The following RARB variants were observed in gnomAD, a reference collection of about 807,000 sequenced individuals.
RARB encodes the protein retinoic acid receptor beta, also known as HBV-activated protein.
Under a neutral mutation model 51.9 loss-of-function variants are expected in RARB, and 17 were observed. The ratio of observed to expected loss-of-function variants is 0.33; its 90% CI spans 0.22 to 0.49. The LOEUF is 0.49. Among genes scored for constraint, RARB ranks in the 20% least tolerant of loss-of-function variants. The probability of loss-of-function intolerance (pLI) is 0.99; values close to 1 mark genes in which losing one functional copy is unlikely to be tolerated. For synonymous variants in RARB, 215 were observed against 195.4 expected, an observed-to-expected ratio of 1.10 and a Z score of -0.84; for missense variants, 369 against 550.8, an observed-to-expected ratio of 0.67 and a Z score of 3.30.
At chr3:24,945,437 T>G (rs1166807355) in intron 2 of RARB, among the ~76,000 whole-genome samples, 3 of 152,192 alleles carry the variant, frequency 2.0e-5, no homozygotes, top group Non-Finnish European at 4.4e-5. Context: ...GAGACATAAG[T>G]GATAGCAGTG....
chr3:25,190,287 C>G (rs918995879), intron 5 of RARB, among the ~76,000 whole-genome samples: 1 of 151,978 alleles, frequency 6.6e-6, no homozygotes, highest in African/African-American at 2.4e-5. Context: ...CACCCCCAAC[C>G]AGGCCCATAC....
intron 1 of RARB, among the ~76,000 whole-genome samples, chr3:25,430,437 T>C (rs1708155351): frequency 6.6e-6 from 1 of 152,228 alleles, no homozygotes; most frequent in Non-Finnish European, 1.5e-5. Context: ...GAGAAAGTGG[T>C]AATGAAACAT....
chr3:25,500,857 G>A (rs902932466), intron 2 of RARB, among the ~76,000 whole-genome samples: 1 of 152,094 alleles, frequency 6.6e-6, no homozygotes, highest in Non-Finnish European at 1.5e-5. Context: ...GTTCTCGTCA[G>A]CAAGGGAGCC....
At chr3:24,952,703 A>G (rs1390894198) in intron 2 of RARB, among the ~76,000 whole-genome samples, 1 of 151,840 alleles carries the variant, frequency 6.6e-6, no homozygotes, top group Non-Finnish European at 1.5e-5. Flanking sequence ...CTGCTTTTCA[A>G]AGCTCTCGCT....
intron 5 of RARB, among the ~76,000 whole-genome samples, chr3:25,588,968 G>A (rs1701510769): frequency 6.6e-6 from 1 of 152,150 alleles, no homozygotes; most frequent in African/African-American, 2.4e-5. Flanking sequence ...ATTAAGTCCA[G>A]GCCACACTCA....
chr3:25,465,746 G>A (rs917561838), intron 2 of RARB, among the ~76,000 whole-genome samples: 1 of 152,156 alleles, frequency 6.6e-6, no homozygotes, highest in Non-Finnish European at 1.5e-5. Context: ...GGCAGTTTTT[G>A]TGTAGGGGAC....
intron 5 of RARB, among the ~76,000 whole-genome samples, chr3:25,397,044 T>A (rs572374449): frequency 6.6e-6 from 1 of 152,276 alleles, no homozygotes; most frequent in Non-Finnish European, 1.5e-5. Flanking sequence ...GCACTTCCCA[T>A]TCACTGCCCC....
chr3:25,201,476 G>A (rs1701388083), intron 5 of RARB, among the ~76,000 whole-genome samples: 1 of 152,148 alleles, frequency 6.6e-6, no homozygotes, highest in Admixed American at 6.5e-5. Context: ...TGTTGCATAG[G>A]AGTGGTGAAA....
chr3:24,998,737 G>T (rs559945163), intron 2 of RARB, among the ~76,000 whole-genome samples: 1 of 152,014 alleles, frequency 6.6e-6, no homozygotes, highest in African/African-American at 2.4e-5. Flanking sequence ...AACTCAGCTA[G>T]TTCTTACATG....
intron 3 of RARB, among the ~76,000 whole-genome samples, chr3:25,075,326 T>G (rs1475627105): frequency 1.3e-5 from 2 of 152,176 alleles, no homozygotes; most frequent in Non-Finnish European, 2.9e-5. Context: ...AATCTCTGTT[T>G]ATCCTTTAGC....
intron 5 of RARB, among the ~76,000 whole-genome samples, chr3:25,367,683 G>C (rs1026956461): frequency 6.6e-6 from 1 of 150,430 alleles, no homozygotes; most frequent in African/African-American, 2.5e-5. Flanking sequence ...AAAATTAGCC[G>C]CATATGGGGG....
At chr3:25,211,486 T>C (rs1701696912) in intron 5 of RARB, among the ~76,000 whole-genome samples, 1 of 152,196 alleles carries the variant, frequency 6.6e-6, no homozygotes, top group South Asian at 2.1e-4. Context: ...TATAGTCCTG[T>C]GGAAATTTAT....
At chr3:25,231,764 C>T (rs1325607183) in intron 5 of RARB, among the ~76,000 whole-genome samples, 5 of 152,008 alleles carry the variant, frequency 3.3e-5, no homozygotes, top group South Asian at 2.1e-4. Context: ...ATTGGGTTGC[C>T]TCCTTTCTTG....
intron 2 of RARB, among the ~76,000 whole-genome samples, chr3:24,893,843 A>G (rs1008241280): frequency 3.9e-5 from 6 of 152,126 alleles, no homozygotes; most frequent in Admixed American, 2.6e-4. Flanking sequence ...GTTTTTATGG[A>G]TGTAATCATG....
At chr3:25,523,855 A>G (rs754454839) in intron 3 of RARB, among the ~76,000 whole-genome samples, 11 of 152,196 alleles carry the variant, frequency 7.2e-5, no homozygotes, top group East Asian at 3.8e-4. Context: ...CACAGGACCT[A>G]TTAGTAACAT....
In RARB at chr3:25,065,706, T is replaced by G. The variant is rs183745074; in HGVS notation, c.-328+5530T>G. Among the ~76,000 whole-genome samples the G allele has an allele frequency of 2.6e-3, 390 of 152,330 alleles. 1 individual carries two copies. Among genetic ancestry groups the G allele is most frequent in the Non-Finnish European group, 4.2e-3 (284 of 68,020 alleles). On this transcript the variant is annotated intron_variant, in intron 3 of 11. Coordinates refer to the RARB transcript ENST00000383772. ...TAGTTGAATGACACTTCGTACCATA[T>G]CTGAGAATCTGGCATGCAAATGCTC...
At chr3:24,931,415 C>A (rs1188238797) in intron 2 of RARB, among the ~76,000 whole-genome samples, 1 of 151,974 alleles carries the variant, frequency 6.6e-6, no homozygotes, top group Admixed American at 6.6e-5. Flanking sequence ...AGCTAGGGTA[C>A]AAGATGCATA....
At chr3:25,596,044 A>G (rs1490215045) in intron 7 of RARB, among the ~76,000 whole-genome samples, 1 of 152,216 alleles carries the variant, frequency 6.6e-6, no homozygotes, top group Non-Finnish European at 1.5e-5. Flanking sequence ...TATCAAAAGG[A>G]GCAATTGTAT....
chr3:25,284,004 G>C (rs988118544), intron 5 of RARB, among the ~76,000 whole-genome samples: 1 of 152,064 alleles, frequency 6.6e-6, no homozygotes, highest in African/African-American at 2.4e-5. Flanking sequence ...TCCAAGCATA[G>C]GTTATAAAAG....
Sources: allele counts gnomAD v4.1 joint callset (sites outside exome capture counted in the v4.1 genomes callset), GRCh38; gene constraint gnomAD v4.1.1; transcripts MANE v1.5; gene names NCBI Gene and HGNC (gene_info 2026-07-23, HGNC 2026-07-21).